Variants in LIMS2 observed in about 807,000 individuals in gnomAD.
The protein encoded by LIMS2 is LIM zinc finger domain containing 2, also known as LIM and senescent cell antigen-like-containing domain protein 2.
Under a neutral mutation model 45.3 loss-of-function variants are expected in LIMS2, and 30 were observed. That is an observed-to-expected ratio of 0.66 (90% CI 0.50 to 0.90). The LOEUF (loss-of-function observed/expected upper bound fraction) is 0.90, where lower values mean the gene tolerates loss of function less well. Ranked by LOEUF, LIMS2 falls within the 40% of genes least tolerant of loss-of-function variation. LIMS2 has a pLI of 0.00. For synonymous variants in LIMS2, 173 were observed against 188.0 expected (o/e 0.92, Z 0.65); for missense variants, 485 against 468.7 (o/e 1.03, Z -0.32).
chr2:127,661,528 A>G (rs376355522), intron 1 of LIMS2, among the ~76,000 whole-genome samples: 1 of 152,090 alleles, frequency 6.6e-6, no homozygotes, highest in East Asian at 1.9e-4. Flanking sequence ...TTCCTTCAAG[A>G]TAGAGAGCAC....
intron 4 of LIMS2, among the ~76,000 whole-genome samples, chr2:127,649,059 G>A (rs1683360839): frequency 8.2e-6 from 1 of 121,870 alleles, no homozygotes; most frequent in Non-Finnish European, 1.8e-5. Context: ...AAAGAAGAAA[G>A]GAAGGAAGGA....
At chr2:127,649,725 C>T (rs749293710) in intron 4 of LIMS2, among the ~76,000 whole-genome samples, 12 of 152,194 alleles carry the variant, frequency 7.9e-5, no homozygotes, top group Admixed American at 2.0e-4. Context: ...CTATCCAGAC[C>T]CAGGGTTCAC....
chr2:127,639,241 G>GA lies in LIMS2; in HGVS notation c.*39dup. ...GCCAAGCATGGACAGCAGGAGGGGA[G>GA]AAGGCGGAGGGGCCGAGAGGCAGCT... On this transcript the variant is annotated 3_prime_UTR_variant, in exon 10 of 10. Transcript: ENST00000355119. 6.2e-7 allele frequency: 1 copy of GA among 1,604,818 alleles called. No individual in the cohort carries two copies.
At chr2:127,662,089 A>C (rs2105321194) in intron 1 of LIMS2, among the ~76,000 whole-genome samples, 1 of 152,340 alleles carries the variant, frequency 6.6e-6, no homozygotes, top group South Asian at 2.1e-4. Flanking sequence ...CCTGAGCAGC[A>C]GTCAGACCAA....
chr2:127,641,235 C>G, intron 6 of LIMS2: 2 of 465,528 alleles, frequency 4.3e-6, no homozygotes, highest in South Asian at 5.0e-5. Context: ...CAGACCCTAC[C>G]CCTCCTCTAA....
At position 127,647,315 on chromosome 2, in the gene LIMS2, G is replaced by A. The variant is rs919703277; in HGVS notation, c.360-4243C>T. The stretch of plus-strand genomic sequence containing the variant: ...GAGACTGAGTCACACTCCCCACCCT[G>A]GCGGTCTTCCAGGGAGTGAGACCGT... On this transcript the variant is annotated intron_variant, in intron 4 of 9. Transcript: ENST00000355119. This position sits in a 1 kb window ranked among gnomAD's most constrained non-coding sequence, Gnocchi z 4.3. Among the ~76,000 whole-genome samples, 2 of 152,168 alleles carry A rather than the reference G, an allele frequency of 1.3e-5. No individual in the cohort carries two copies. The highest frequency in any genetic ancestry group is 6.5e-5 in the Admixed American group (1 of 15,280).
At chr2:127,676,681 C>A (rs574389505), upstream of LIMS2, among the ~76,000 whole-genome samples, 7 of 152,076 alleles carry the variant, frequency 4.6e-5, no homozygotes, top group East Asian at 1.9e-4. Context: ...CTTCTTGTTG[C>A]GAGCGTGTCT....
Position 127,664,532 on chromosome 2 carries a change from G to A in LIMS2, c.12-6970C>T. On this transcript the variant is annotated intron_variant, in intron 1 of 9. Transcript: ENST00000355119. The surrounding 1 kb of genome is among the most constrained non-coding windows in gnomAD (Gnocchi z 5.5). ...TGGGCGCCTCCCCCGCGCTGGTCGCGAGCTCACGTTACGCGCTGGGATCTC... is the reference window on the plus strand; with the variant it reads ...TGGGCGCCTCCCCCGCGCTGGTCGCAAGCTCACGTTACGCGCTGGGATCTC... 8.7e-7 allele frequency: 1 copy of A among 1,152,432 alleles called. No individual in the cohort carries two copies. The highest frequency in any genetic ancestry group is 1.1e-6 in the Non-Finnish European group (1 of 937,458). The allele number at this position is 1,152,432 out of a possible 1,614,324, so 71.4% of individuals were successfully genotyped here. A position where few individuals can be genotyped will look rare whatever the true frequency, so the allele number is the denominator to read the frequency against.
chr2:127,669,411 A>G (rs1685179422), intron 1 of LIMS2, among the ~76,000 whole-genome samples: 1 of 152,214 alleles, frequency 6.6e-6, no homozygotes, highest in Admixed American at 6.5e-5. Flanking sequence ...TCCACAGAAA[A>G]GGAAAAAATA....
intron 2 of LIMS2, 40 bp downstream of exon 2, chr2:127,657,363 T>C: frequency 6.2e-7 from 1 of 1,612,598 alleles, no homozygotes; most frequent in Non-Finnish European, 8.5e-7. Flanking sequence ...GAGGGCAGAC[T>C]CCGAGCTGGG....
In LIMS2 at chr2:127,642,349, T is replaced by C. The variant is rs2244655; in HGVS notation, c.510-150A>G. 0.067 allele frequency: 57,545 copies of C among 864,572 alleles called. 3,074 individuals are homozygous for C. The highest frequency in any genetic ancestry group is 0.22 in the African/African-American group (12,690 of 58,188). 53.6% of individuals were successfully genotyped at this position (864,572 alleles called of 1,614,324 possible). A position where few individuals can be genotyped will look rare whatever the true frequency, so the allele number is the denominator to read the frequency against. On this transcript the variant is annotated intron_variant, in intron 5 of 9. Coordinates refer to ENST00000355119, the MANE Select transcript of LIMS2 (RefSeq NM_001161403.3). This position sits in a 1 kb window ranked among gnomAD's most constrained non-coding sequence, Gnocchi z 5.3. Reference sequence around the variant, plus strand: ...CAGCGCCTTCTGATCTCTGGGCACTTTGAAGACTTCCTGTGCCCCAGACAG... The same window carrying C: ...CAGCGCCTTCTGATCTCTGGGCACTCTGAAGACTTCCTGTGCCCCAGACAG...
intron 1 of LIMS2, 92 bp downstream of exon 1, chr2:127,674,922 C>A (rs534894161): frequency 1.6e-6 from 2 of 1,221,774 alleles, no homozygotes; most frequent in Non-Finnish European, 1.0e-6. Context: ...GGGATCGTGG[C>A]GCCGCGGGGC....
At chr2:127,643,980 C>G (rs542483251) in intron 4 of LIMS2, 2 of 449,314 alleles carry the variant, frequency 4.5e-6, no homozygotes, top group East Asian at 7.0e-5. Flanking sequence ...GAGATCCAAT[C>G]GCAGACCCAA....
chr2:127,639,213 G>A lies in LIMS2; in HGVS notation c.*68C>T. On this transcript the variant is annotated 3_prime_UTR_variant, in exon 10 of 10. Coordinates refer to ENST00000355119, the MANE Select transcript of LIMS2 (RefSeq NM_001161403.3). ...GAGGGCACAGGTGGATGGGGACGAG[G>A]GGGCCAAGCATGGACAGCAGGAGGG... 6.4e-7 allele frequency: 1 copy of A among 1,555,428 alleles called. No homozygotes were observed. The highest frequency in any genetic ancestry group is 1.2e-5 in the South Asian group (1 of 86,794).
At chr2:127,677,320 G>C (rs1418019942), upstream of LIMS2, among the ~76,000 whole-genome samples, 1 of 152,148 alleles carries the variant, frequency 6.6e-6, no homozygotes, top group Non-Finnish European at 1.5e-5. This position sits in a 1 kb window ranked among gnomAD's most constrained non-coding sequence, Gnocchi z 5.0. Flanking sequence ...GTGGAGGATG[G>C]GCAATAAACA....
At position 127,642,219 on chromosome 2, in the gene LIMS2, C is replaced by T. The variant is rs1406166814; in HGVS notation, c.510-20G>A. The T allele has an allele frequency of 6.6e-7, 1 of 1,512,004 alleles. No individual in the cohort carries two copies. The allele number at this position is 1,512,004 out of a possible 1,614,324, so 93.7% of individuals were successfully genotyped here. A position where few individuals can be genotyped will look rare whatever the true frequency, so the allele number is the denominator to read the frequency against. ...TCCTTCCTGGAAGACAGCGTGCAGC[C>T]CCCAGGTGCCACCCCTGCCCTTCTG... On this transcript the variant is annotated intron_variant, in intron 5 of 9. Coordinates refer to ENST00000355119, the MANE Select transcript of LIMS2 (RefSeq NM_001161403.3). This position sits in a 1 kb window ranked among gnomAD's most constrained non-coding sequence, Gnocchi z 5.3.
Position 127,664,354 on chromosome 2 carries a change from CCCGA to C in LIMS2, c.12-6796_12-6793del. On this transcript the variant is annotated intron_variant, in intron 1 of 9. Coordinates refer to ENST00000355119, the MANE Select transcript of LIMS2 (RefSeq NM_001161403.3). This position sits in a 1 kb window ranked among gnomAD's most constrained non-coding sequence, Gnocchi z 5.5. ...CCGGTGCTGGCGCCGCCGGTACAGC[CCCGA>C]CGCGGCCAGCGCACCCAGCCGGGCC... The C allele has an allele frequency of 8.2e-7, 1 of 1,219,620 alleles. No individual in the cohort carries two copies. The highest frequency in any genetic ancestry group is 1.0e-6 in the Non-Finnish European group (1 of 980,314). 75.5% of individuals were successfully genotyped at this position (1,219,620 alleles called of 1,614,324 possible).
upstream of LIMS2, among the ~76,000 whole-genome samples, chr2:127,680,510 G>C (rs1685592429): frequency 6.6e-6 from 1 of 152,222 alleles, no homozygotes; most frequent in Non-Finnish European, 1.5e-5. Flanking sequence ...CCTCAGAACT[G>C]TCATTAGACA....
Position 127,664,372 on chromosome 2 carries a change from C to G in LIMS2, c.12-6810G>C. On this transcript the variant is annotated intron_variant, in intron 1 of 9. Coordinates refer to ENST00000355119, the MANE Select transcript of LIMS2 (RefSeq NM_001161403.3). The surrounding 1 kb of genome is among the most constrained non-coding windows in gnomAD (Gnocchi z 5.5). ...GTACAGCCCCGACGCGGCCAGCGCA[C>G]CCAGCCGGGCCGCCATGGCGCGGGG... 8.2e-7 allele frequency: 1 copy of G among 1,213,452 alleles called. No homozygotes were observed. Among genetic ancestry groups the G allele is most frequent in the Non-Finnish European group, 1.0e-6 (1 of 976,226 alleles). 75.2% of individuals were successfully genotyped at this position (1,213,452 alleles called of 1,614,324 possible).
Sources: allele counts gnomAD v4.1 joint callset (sites outside exome capture counted in the v4.1 genomes callset), GRCh38; gene constraint gnomAD v4.1.1; non-coding constraint Gnocchi (gnomAD v3.1); transcripts MANE v1.5; gene names NCBI Gene and HGNC (gene_info 2026-07-23, HGNC 2026-07-21).